Variants in WDR35 observed in about 807,000 individuals in gnomAD.
WDR35 encodes WD repeat domain 35.
Under a neutral mutation model 158.3 loss-of-function variants are expected in WDR35, and 118 were observed. The ratio of observed to expected loss-of-function variants is 0.75; its 90% CI spans 0.64 to 0.87. The LOEUF (loss-of-function observed/expected upper bound fraction) is 0.87, where lower values mean the gene tolerates loss of function less well. Among genes scored for constraint, WDR35 ranks in the 40% least tolerant of loss-of-function variants. WDR35 has a pLI of 0.00. For missense variants in WDR35, 1,263 were observed against 1,405.8 expected (o/e 0.90, Z 1.62); for synonymous variants, 448 against 476.1 (o/e 0.94, Z 0.77).
rs1387997607 is a variant in WDR35, at chr2:19,980,800, C to T, written c.215-17G>A. ...GAACAGAACCTAGAACATTATAAAA[C>T]AATTTAGAAACTTAAAGGTTACAAT... On this transcript the variant is annotated splice_polypyrimidine_tract_variant and intron_variant, in intron 3 of 26. Coordinates refer to ENST00000281405, the MANE Select transcript of WDR35 (RefSeq NM_020779.4). The T allele has an allele frequency of 1.2e-6, 2 of 1,605,824 alleles. No individual in the cohort carries two copies. Among genetic ancestry groups the T allele is most frequent in the Admixed American group, 3.3e-5 (2 of 59,876 alleles).
At chr2:19,925,060 G>A (rs1460588104) in intron 25 of WDR35, among the ~76,000 whole-genome samples, 1 of 152,170 alleles carries the variant, frequency 6.6e-6, no homozygotes, top group Admixed American at 6.5e-5. Flanking sequence ...CCTCACCCCT[G>A]TACAATGTCT....
At position 19,966,902 on chromosome 2, in the gene WDR35, T is replaced by C; in HGVS notation, c.1016A>G (p.Tyr339Cys). 6.2e-7 allele frequency: 1 copy of C among 1,613,716 alleles called. No individual in the cohort carries two copies. Among genetic ancestry groups the C allele is most frequent in the Non-Finnish European group, 8.5e-7 (1 of 1,179,818 alleles). Residue 339 changes from tyrosine to cysteine, a missense_variant, in exon 10 of 27, where the codon TAT becomes TGT. Tyr to Cys is a radical substitution (Grantham distance 194). Coordinates refer to ENST00000281405, the MANE Select transcript of WDR35 (RefSeq NM_020779.4). ...ANIRPNYKWG[Y>C]CSNTVVYAYT... ...TGCATAAACTACAGTGTTTGAGCAA[T>C]AACCCCACTAGGAAGAAAGGAAGGA...
intron 17 of WDR35, among the ~76,000 whole-genome samples, chr2:19,939,332 AAAG>A (rs1471652599): frequency 2.0e-5 from 3 of 152,220 alleles, no homozygotes; most frequent in Non-Finnish European, 2.9e-5. Flanking sequence ...AAAAGGAGAA[AAAG>A]AAGAAAATGT....
intron 8 of WDR35, among the ~76,000 whole-genome samples, chr2:19,972,353 GACAA>G (rs948432335): frequency 2.6e-5 from 4 of 152,242 alleles, no homozygotes; most frequent in African/African-American, 9.6e-5. Context: ...TGTTTTGCAA[GACAA>G]ACAAACAGAC....
intron 25 of WDR35, among the ~76,000 whole-genome samples, chr2:19,921,724 A>C (rs1025364664): frequency 6.6e-6 from 1 of 152,234 alleles, no homozygotes; most frequent in Non-Finnish European, 1.5e-5. Context: ...CAAAATAGAA[A>C]AATGGGATCT....
At chr2:19,929,009 G>A (rs549014402) in intron 25 of WDR35, among the ~76,000 whole-genome samples, 9 of 152,116 alleles carry the variant, frequency 5.9e-5, no homozygotes, top group East Asian at 5.8e-4. Context: ...GGGTTTCACC[G>A]TGTTAGCCGG....
chr2:19,982,460 C>T lies in WDR35; in HGVS notation c.214+3G>A. 1 of 1,613,398 alleles carries T rather than the reference C, an allele frequency of 6.2e-7. No individual in the cohort carries two copies. Among genetic ancestry groups the T allele is most frequent in the Non-Finnish European group, 8.5e-7 (1 of 1,179,648 alleles). On this transcript the variant is annotated splice_donor_region_variant and intron_variant, in intron 3 of 26. Coordinates refer to ENST00000281405, the MANE Select transcript of WDR35 (RefSeq NM_020779.4). ...ATGACTTAAAAGAAATTGAATGACT[C>T]ACCACTATGACCTTCAAGAGTCTGA...
Position 19,974,764 on chromosome 2 carries a change from A to C in WDR35, c.571-131T>G, listed in dbSNP as rs1046834385. The C allele has an allele frequency of 5.1e-5, 42 of 826,114 alleles. No individual in the cohort carries two copies. The African/African-American group carries it at 6.8e-4, about 13-fold the overall frequency. 51.2% of individuals were successfully genotyped at this position (826,114 alleles called of 1,614,324 possible). On this transcript the variant is annotated intron_variant, in intron 6 of 26. Coordinates refer to ENST00000281405, the MANE Select transcript of WDR35 (RefSeq NM_020779.4). Reference sequence around the variant, plus strand: ...AAAATCAGGTGGCAAATTAAAGCTTAATCACTTACTGGTATACAGGCCATG... The same window carrying C: ...AAAATCAGGTGGCAAATTAAAGCTTCATCACTTACTGGTATACAGGCCATG...
intron 22 of WDR35, 43 bp downstream of exon 22, chr2:19,933,358 C>T (rs764798305): frequency 6.5e-7 from 1 of 1,534,058 alleles, no homozygotes; most frequent in Non-Finnish European, 9.0e-7. Context: ...CTTAAAAATT[C>T]CTAAGACAAT....
chr2:19,964,508 T>G (rs991334475), intron 10 of WDR35, among the ~76,000 whole-genome samples: 1 of 151,072 alleles, frequency 6.6e-6, no homozygotes, highest in East Asian at 2.0e-4. Context: ...CTCAGCCTCC[T>G]GAGTAGCTGG....
chr2:19,960,587 C>G lies in WDR35; in HGVS notation c.1222G>C (p.Gly408Arg), dbSNP rs1353755719. Residue 408 changes from glycine to arginine, a missense_variant, in exon 11 of 27, where the codon GGT becomes CGT. Transcript: ENST00000281405. Reference sequence around the variant, plus strand: ...ATGTATTTGGGATCCAAGGGTGTACCAATAGAATTACAAAGAACTAGTACA... The same window carrying G: ...ATGTATTTGGGATCCAAGGGTGTACGAATAGAATTACAAAGAACTAGTACA... ...QFVLVLCNSI[G>R]TPLDPKYIDI... 2 of 1,608,790 alleles carry G rather than the reference C, an allele frequency of 1.2e-6. No homozygotes were observed.
chr2:19,917,384 G>A (rs763050295), intron 25 of WDR35, among the ~76,000 whole-genome samples: 1 of 152,166 alleles, frequency 6.6e-6, no homozygotes, highest in Admixed American at 6.5e-5. Flanking sequence ...AAACTGGATG[G>A]AGAATGAATT....
At chr2:19,974,846 A>C (rs1362087797) in intron 6 of WDR35, among the ~76,000 whole-genome samples, 1 of 152,224 alleles carries the variant, frequency 6.6e-6, no homozygotes, top group Non-Finnish European at 1.5e-5. Flanking sequence ...ATTAAAAAAC[A>C]CTGAGTTTTT....
Position 19,913,357 on chromosome 2 carries a change from T to C in WDR35, c.*201A>G, listed in dbSNP as rs144039055. ...CATGGTTGATTTTCATACATTTATA[T>C]GAAAATCGGCCTTATTATTTCACAG... On this transcript the variant is annotated 3_prime_UTR_variant, in exon 27 of 27. Transcript: ENST00000281405. 16 of 525,658 alleles carry C rather than the reference T, an allele frequency of 3.0e-5. No homozygotes were observed. Among genetic ancestry groups the C allele is most frequent in the African/African-American group, 2.9e-4 (15 of 52,028 alleles). 32.6% of individuals were successfully genotyped at this position (525,658 alleles called of 1,614,324 possible). A position where few individuals can be genotyped will look rare whatever the true frequency, so the allele number is the denominator to read the frequency against.
chr2:19,970,184 A>C (rs1258957121), intron 8 of WDR35, among the ~76,000 whole-genome samples: 1 of 152,250 alleles, frequency 6.6e-6, no homozygotes, highest in Non-Finnish European at 1.5e-5. Flanking sequence ...CAACTAAGGA[A>C]AGGAAAAAAC....
At chr2:19,919,213 T>C (rs1670083469) in intron 25 of WDR35, among the ~76,000 whole-genome samples, 1 of 151,820 alleles carries the variant, frequency 6.6e-6, no homozygotes, top group Non-Finnish European at 1.5e-5. Context: ...ACCCCATCTC[T>C]ACTAAAAATA....
chr2:19,958,025 G>A (rs1169498186), intron 11 of WDR35, among the ~76,000 whole-genome samples: 1 of 152,140 alleles, frequency 6.6e-6, no homozygotes, highest in Non-Finnish European at 1.5e-5. Context: ...TGAAATAAAT[G>A]CCTACATCTG....
At chr2:19,928,244 A>G (rs193152127) in intron 25 of WDR35, among the ~76,000 whole-genome samples, 1 of 152,376 alleles carries the variant, frequency 6.6e-6, no homozygotes, top group East Asian at 1.9e-4. Flanking sequence ...CCTGCTGCAG[A>G]TAACTAGCCA....
At position 19,941,823 on chromosome 2, in the gene WDR35, G is replaced by C; in HGVS notation, c.1862C>G (p.Ser621Cys). The change falls in exon 17 of 27, where the codon TCT (serine) becomes TGT (cysteine). Residue 621 changes from serine (S) to cysteine (C), a missense_variant. By Grantham distance (112) the Ser-to-Cys change is moderately radical. Transcript: ENST00000281405. Reference protein sequence around the residue: ...NLDPEEPIQTSGYICNFEDLE... With the variant: ...NLDPEEPIQTCGYICNFEDLE... ...ATCCTCAAAATTACAAATATATCCA[G>C]AGGTCTGAATGGGTTCCTTTAAAGA... 6.4e-7 allele frequency: 1 copy of C among 1,573,700 alleles called. No homozygotes were observed. The highest frequency in any genetic ancestry group is 8.7e-7 in the Non-Finnish European group (1 of 1,152,158).
Sources: allele counts gnomAD v4.1 joint callset (sites outside exome capture counted in the v4.1 genomes callset), GRCh38; gene constraint gnomAD v4.1.1; transcripts MANE v1.5; gene names NCBI Gene and HGNC (gene_info 2026-07-23, HGNC 2026-07-21).